The following INVS variants were observed in gnomAD, a reference collection of about 807,000 sequenced individuals.
INVS encodes inversion of embryo turning homolog.
A neutral mutation model predicts 108.8 loss-of-function variants in INVS; 86 were observed. The ratio of observed to expected loss-of-function variants is 0.79; its 90% confidence interval spans 0.66 to 0.95. INVS has a LOEUF of 0.95. INVS is among the 40% of genes least tolerant of loss of function. The pLI, the probability that INVS is intolerant of heterozygous loss-of-function variation, is 0.00. For missense variants in INVS, 1,169 were observed against 1,297.4 expected, an observed-to-expected ratio of 0.90 and a Z score of 1.52; for synonymous variants, 455 against 473.5, an observed-to-expected ratio of 0.96 and a Z score of 0.51.
intron 8 of INVS, among the ~76,000 whole-genome samples, 153 bp from the exon 9 acceptor site, chr9:100,252,130 C>A (rs1439336060): frequency 6.6e-6 from 1 of 151,850 alleles, no homozygotes; most frequent in Non-Finnish European, 1.5e-5. Context: ...AAGGCAGAAT[C>A]TAAAAAAGCA....
intron 3 of INVS, among the ~76,000 whole-genome samples, chr9:100,222,596 C>T (rs1831186504): frequency 1.3e-5 from 2 of 152,204 alleles, no homozygotes; most frequent in South Asian, 4.1e-4. Context: ...TGTAAATATG[C>T]CAAGCACTGT....
chr9:100,297,772 A>C (rs184011788), intron 15 of INVS, among the ~76,000 whole-genome samples, 164 bp from the exon 16 acceptor site: 1 of 152,168 alleles, frequency 6.6e-6, no homozygotes, highest in Non-Finnish European at 1.5e-5. Context: ...CATTTAGCAA[A>C]ATCTCAGGAC....
chr9:100,278,195 A>T (rs1833164744), intron 12 of INVS, among the ~76,000 whole-genome samples: 1 of 136,492 alleles, frequency 7.3e-6, no homozygotes. Flanking sequence ...ACACTATTGC[A>T]CTCCAGCCTG....
intron 3 of INVS, among the ~76,000 whole-genome samples, chr9:100,211,701 C>T (rs1448624389): frequency 6.6e-6 from 1 of 152,122 alleles, no homozygotes; most frequent in Non-Finnish European, 1.5e-5. Flanking sequence ...TTCCCTCAGT[C>T]AAATCCTCTT....
chr9:100,250,399 G>A (rs962967525), intron 8 of INVS, among the ~76,000 whole-genome samples: 8 of 152,072 alleles, frequency 5.3e-5, no homozygotes, highest in African/African-American at 1.9e-4. Context: ...AAATGTGAAT[G>A]TTCTACCCTG....
intron 3 of INVS, chr9:100,175,270 C>CA: frequency 1.5e-6 from 1 of 648,366 alleles, no homozygotes. Context: ...TTTGTGGGCC[C>CA]AAAACAAACT....
At chr9:100,252,843 C>T in intron 9 of INVS, 64 bp from the exon 10 acceptor site, 2 of 1,119,410 alleles carry the variant, frequency 1.8e-6, no homozygotes, top group East Asian at 5.0e-5. Context: ...GTTTTTTCTA[C>T]TCCTACTCAT....
At chr9:100,186,916 G>A (rs1199332556) in intron 3 of INVS, among the ~76,000 whole-genome samples, 1 of 151,876 alleles carries the variant, frequency 6.6e-6, no homozygotes, top group Non-Finnish European at 1.5e-5. Context: ...GGGGGTCTTA[G>A]TCATAAATTT....
chr9:100,150,385 C>T (rs1828771096), intron 3 of INVS, among the ~76,000 whole-genome samples: 1 of 152,226 alleles, frequency 6.6e-6, no homozygotes, highest in Admixed American at 6.5e-5. Context: ...CCTAGATTCC[C>T]ATGGAAACCA....
At chr9:100,145,345 C>T (rs1033225336) in intron 3 of INVS, among the ~76,000 whole-genome samples, 5 of 149,780 alleles carry the variant, frequency 3.3e-5, no homozygotes, top group South Asian at 2.1e-4. Flanking sequence ...GGGATCAGGG[C>T]GCAGAGATAA....
chr9:100,193,902 G>GT (rs1331290106), intron 3 of INVS, among the ~76,000 whole-genome samples: 1 of 152,170 alleles, frequency 6.6e-6, no homozygotes, highest in Non-Finnish European at 1.5e-5. Context: ...CATGAACAAG[G>GT]TAAAAGTTTC....
chr9:100,254,408 C>T (rs1832346316), intron 10 of INVS, among the ~76,000 whole-genome samples: 1 of 152,088 alleles, frequency 6.6e-6, no homozygotes, highest in Non-Finnish European at 1.5e-5. Context: ...TGTGCAGAAG[C>T]TCTTTAGTTT....
chr9:100,243,787 A>G (rs1475874570), intron 7 of INVS, among the ~76,000 whole-genome samples: 1 of 152,174 alleles, frequency 6.6e-6, no homozygotes, highest in African/African-American at 2.4e-5. Flanking sequence ...AGATGGGCGG[A>G]TCACCTAAGG....
chr9:100,227,400 G>A (rs1303656829), intron 4 of INVS, among the ~76,000 whole-genome samples: 1 of 152,110 alleles, frequency 6.6e-6, no homozygotes, highest in African/African-American at 2.4e-5. Context: ...ATTGTAGATT[G>A]GATTGCTGAC....
intron 4 of INVS, 103 bp from the exon 5 acceptor site, chr9:100,229,557 C>A: frequency 1.0e-6 from 1 of 955,352 alleles, no homozygotes; most frequent in Non-Finnish European, 1.7e-6. Context: ...AGATACAGGG[C>A]AACTACTGTA....
chr9:100,243,782 G>A (rs1831954923), intron 7 of INVS, among the ~76,000 whole-genome samples: 1 of 152,126 alleles, frequency 6.6e-6, no homozygotes, highest in Admixed American at 6.6e-5. Context: ...GGCAGAGATG[G>A]GCGGATCACC....
chr9:100,150,137 G>A (rs973339542), intron 3 of INVS, among the ~76,000 whole-genome samples: 2 of 152,156 alleles, frequency 1.3e-5, no homozygotes, highest in Non-Finnish European at 2.9e-5. Flanking sequence ...TGAACCCAAA[G>A]CTTCTTTCTT....
At chr9:100,204,271 G>A (rs1049134251) in intron 3 of INVS, among the ~76,000 whole-genome samples, 1 of 152,138 alleles carries the variant, frequency 6.6e-6, no homozygotes, top group Non-Finnish European at 1.5e-5. Context: ...TAGACCTATA[G>A]CATTTAATAA....
chr9:100,151,723 A>G (rs1159050777), intron 3 of INVS, among the ~76,000 whole-genome samples: 1 of 152,180 alleles, frequency 6.6e-6, no homozygotes, highest in Admixed American at 6.5e-5. Context: ...TTTTAGTACT[A>G]TCTATTCCTT....
Sources: gnomAD v4.1 joint callset for allele counts (sites outside exome capture counted in the v4.1 genomes callset) on GRCh38, gnomAD v4.1.1 for gene constraint, MANE v1.5 for transcripts, NCBI Gene and HGNC (gene_info 2026-07-23, HGNC 2026-07-21) for gene names.